The following TRAPPC9 variants were observed in gnomAD, a reference collection of about 807,000 sequenced individuals.
TRAPPC9 encodes IKK2 binding protein.
Under a neutral mutation model 124.0 loss-of-function variants are expected in TRAPPC9, and 83 were observed. That is an observed-to-expected ratio of 0.67 (90% CI 0.56 to 0.80). The LOEUF is 0.80. TRAPPC9 is among the 30% of genes least tolerant of loss of function. The pLI is 0.00. For missense variants in TRAPPC9, 1,302 were observed against 1,508.3 expected (o/e 0.86, Z 2.27); for synonymous variants, 638 against 617.5 (o/e 1.03, Z -0.49).
At chr8:139,798,788 T>C (rs1422139859) in intron 21 of TRAPPC9, among the ~76,000 whole-genome samples, 1 of 152,174 alleles carries the variant, frequency 6.6e-6, no homozygotes, top group Non-Finnish European at 1.5e-5. Flanking sequence ...TATAACAAAT[T>C]ACCACAAACT....
chr8:139,913,222 C>T lies in TRAPPC9; in HGVS notation c.2811-2922G>A, dbSNP rs1831869120. ...TTAACAAAACTGTAGCTAACTCTGCCCATAAAACAGAAAAGGGAAGAAAAC... is the reference window on the plus strand; with the variant it reads ...TTAACAAAACTGTAGCTAACTCTGCTCATAAAACAGAAAAGGGAAGAAAAC... On this transcript the variant is annotated intron_variant, in intron 19 of 22. Transcript: ENST00000438773. Among the ~76,000 whole-genome samples, 3 of 152,200 alleles carry T rather than the reference C, an allele frequency of 2.0e-5. No individual in the cohort carries two copies. In the South Asian group the frequency reaches 6.2e-4, roughly 32 times the overall value.
At chr8:140,304,961 AAAC>A (rs2066083862) in intron 10 of TRAPPC9, among the ~76,000 whole-genome samples, 1 of 152,200 alleles carries the variant, frequency 6.6e-6, no homozygotes, top group South Asian at 2.1e-4. Context: ...GCTAACAGCA[AAAC>A]AACATCAGAC....
chr8:139,755,440 G>A (rs139450768), intron 21 of TRAPPC9, among the ~76,000 whole-genome samples: 2,047 of 143,074 alleles, frequency 0.014, 32 homozygotes, highest in Admixed American at 0.021. Flanking sequence ...ACAGCATGTC[G>A]CAGGAGGAGC....
chr8:139,855,266 C>T (rs967185319), intron 21 of TRAPPC9, among the ~76,000 whole-genome samples: 6 of 152,160 alleles, frequency 3.9e-5, no homozygotes, highest in African/African-American at 1.2e-4. Context: ...TTGTTTTCCT[C>T]GGTAATCAGG....
chr8:140,458,540 G>T, upstream of TRAPPC9: 2 of 1,581,868 alleles, frequency 1.3e-6, no homozygotes, highest in South Asian at 1.2e-5. Context: ...TGTGGCGCGC[G>T]GTCTTGATCC....
chr8:139,864,119 C>T (rs1007404069), intron 21 of TRAPPC9, among the ~76,000 whole-genome samples: 3 of 152,162 alleles, frequency 2.0e-5, no homozygotes, highest in Admixed American at 1.3e-4. Flanking sequence ...TTCAAGGAGC[C>T]ATTTATTCAG....
chr8:139,882,445 C>T (rs1314877079), intron 21 of TRAPPC9, among the ~76,000 whole-genome samples: 2 of 152,202 alleles, frequency 1.3e-5, no homozygotes, highest in Non-Finnish European at 2.9e-5. Flanking sequence ...TGCGTTCAGA[C>T]AAGAGTGCAG....
chr8:139,908,247 C>T (rs1486638734), intron 20 of TRAPPC9, among the ~76,000 whole-genome samples: 3 of 152,182 alleles, frequency 2.0e-5, no homozygotes, highest in African/African-American at 7.2e-5. Flanking sequence ...GCCAGGCCCA[C>T]CATGCACCTG....
At chr8:140,165,901 T>C (rs1187336655) in intron 17 of TRAPPC9, among the ~76,000 whole-genome samples, 2 of 152,218 alleles carry the variant, frequency 1.3e-5, no homozygotes, top group Middle Eastern at 3.4e-3. Context: ...GAGACCCAAC[T>C]GCTTCCTACG....
rs748083795 is a variant in TRAPPC9 at position 139,885,957 on chromosome 8, G to A, written c.2977C>T (p.Arg993Cys). The A allele has an allele frequency of 1.2e-5, 19 of 1,566,960 alleles. No individual in the cohort carries two copies. Among genetic ancestry groups the A allele is most frequent in the East Asian group, 2.3e-5 (1 of 42,688 alleles). ...GICWRIPSLK[R>C]SGEASVEGLL... ...CCTTCCACACTCGCCTCGCCACTGC[G>A]CTTCAGGGAGGGGTGAGCCTTGGTC... Residue 993 changes from arginine to cysteine, a missense_variant, in exon 21 of 23, where the codon CGC becomes TGC. Coordinates refer to ENST00000438773, the MANE Select transcript of TRAPPC9 (RefSeq NM_001160372.4).
intron 17 of TRAPPC9, among the ~76,000 whole-genome samples, chr8:140,177,931 TCTTAA>T (rs2062106924): frequency 1.3e-5 from 2 of 152,162 alleles, no homozygotes; most frequent in African/African-American, 4.8e-5. Context: ...GATATGGTAT[TCTTAA>T]CTTTATTTTC....
chr8:140,277,382 T>C (rs1305877632), intron 14 of TRAPPC9, among the ~76,000 whole-genome samples: 3 of 152,212 alleles, frequency 2.0e-5, no homozygotes, highest in African/African-American at 4.8e-5. Flanking sequence ...GGAAGGAAAA[T>C]TGGACTCGTG....
chr8:139,766,213 C>A (rs897075460), intron 21 of TRAPPC9, among the ~76,000 whole-genome samples: 1 of 152,230 alleles, frequency 6.6e-6, no homozygotes. Flanking sequence ...CCAGCCCTGA[C>A]GGGATGCGTG....
chr8:140,202,799 T>G (rs930025084), intron 17 of TRAPPC9, among the ~76,000 whole-genome samples: 2 of 152,214 alleles, frequency 1.3e-5, no homozygotes, highest in Non-Finnish European at 2.9e-5. Flanking sequence ...TCTAAGGTAA[T>G]GCAACCTGAA....
At chr8:140,356,192 T>TA (rs1185223563) in intron 9 of TRAPPC9, among the ~76,000 whole-genome samples, 4 of 152,050 alleles carry the variant, frequency 2.6e-5, no homozygotes, top group Admixed American at 6.6e-5. Flanking sequence ...ATGCTATTAA[T>TA]AAAAAAAGAA....
chr8:140,334,984 A>G (rs2066996333), intron 9 of TRAPPC9, among the ~76,000 whole-genome samples: 1 of 152,132 alleles, frequency 6.6e-6, no homozygotes, highest in Admixed American at 6.6e-5. Flanking sequence ...AAAGCAAAAA[A>G]TGTTCAGTGT....
intron 17 of TRAPPC9, among the ~76,000 whole-genome samples, chr8:140,168,754 G>T (rs914452068): frequency 6.6e-6 from 1 of 152,196 alleles, no homozygotes. Context: ...CTGGGGCCAG[G>T]CCATCCAGAT....
intron 9 of TRAPPC9, among the ~76,000 whole-genome samples, chr8:140,350,721 G>T (rs2067542641): frequency 6.6e-6 from 1 of 152,124 alleles, no homozygotes; most frequent in Non-Finnish European, 1.5e-5. Context: ...GGGCTCTGGG[G>T]TGGAAAAGTC....
At chr8:140,139,320 G>C (rs898932053) in intron 17 of TRAPPC9, among the ~76,000 whole-genome samples, 1 of 152,160 alleles carries the variant, frequency 6.6e-6, no homozygotes, top group Admixed American at 6.5e-5. Context: ...CCCTGGGAGA[G>C]TTAGGTCCTC....
Sources: allele counts gnomAD v4.1 joint callset (sites outside exome capture counted in the v4.1 genomes callset), GRCh38; gene constraint gnomAD v4.1.1; transcripts MANE v1.5; gene names NCBI Gene and HGNC (gene_info 2026-07-23, HGNC 2026-07-21).